Variants in NPR3 observed in about 807,000 individuals in gnomAD.
The protein encoded by NPR3 is natriuretic peptide receptor 3.
Under a neutral mutation model 54.5 loss-of-function variants are expected in NPR3, and 34 were observed. That is an observed-to-expected ratio of 0.62 (90% confidence interval 0.47 to 0.83). NPR3 has a LOEUF of 0.83. Ranked by LOEUF, NPR3 falls within the 40% of genes least tolerant of loss-of-function variation. NPR3 has a pLI of 0.00. For synonymous variants in NPR3, 289 were observed against 297.1 expected, an observed-to-expected ratio of 0.97 and a Z score of 0.28; for missense variants, 674 against 720.8, an observed-to-expected ratio of 0.94 and a Z score of 0.74.
chr5:32,711,062 AT>A (rs1738194618), upstream of NPR3, among the ~76,000 whole-genome samples: 1 of 151,996 alleles, frequency 6.6e-6, no homozygotes, highest in African/African-American at 2.4e-5. Context: ...GACGTGGGCG[AT>A]TTCAGCTTTA....
At chr5:32,783,050 G>C in intron 6 of NPR3, 22 bp downstream of exon 6, 1 of 1,585,660 alleles carries the variant, frequency 6.3e-7, no homozygotes, top group Non-Finnish European at 8.6e-7. Context: ...GACTTAATTT[G>C]CTATGTATGT....
At chr5:32,703,146 A>T (rs1737874699) in intron 1 of NPR3, among the ~76,000 whole-genome samples, 1 of 151,946 alleles carries the variant, frequency 6.6e-6, no homozygotes, top group Non-Finnish European at 1.5e-5. Flanking sequence ...GCTACTGCTG[A>T]TGTTCACTCA....
chr5:32,755,604 T>A (rs1423311635), intron 3 of NPR3, among the ~76,000 whole-genome samples: 1 of 152,186 alleles, frequency 6.6e-6, no homozygotes, highest in East Asian at 1.9e-4. Flanking sequence ...ATACAGGGAA[T>A]CCAAGCTTAG....
chr5:32,712,856 C>A (rs959489347), intron 1 of NPR3, among the ~76,000 whole-genome samples: 4 of 152,188 alleles, frequency 2.6e-5, no homozygotes, highest in Admixed American at 1.3e-4. Context: ...ACTTTGCCAG[C>A]GCCGGGCTGG....
intron 3 of NPR3, among the ~76,000 whole-genome samples, chr5:32,739,231 A>G (rs1232647844): frequency 1.3e-5 from 2 of 149,620 alleles, no homozygotes; most frequent in Non-Finnish European, 3.0e-5. Flanking sequence ...CCTCCTCAGT[A>G]TACCCACTAT....
At chr5:32,710,907 T>TGC (rs1287312108), upstream of NPR3, 3 of 930,576 alleles carry the variant, frequency 3.2e-6, no homozygotes, top group Non-Finnish European at 4.4e-6. Context: ...TGTGTGTGTG[T>TGC]GTGTGTGTGT....
intron 3 of NPR3, among the ~76,000 whole-genome samples, chr5:32,746,008 A>G (rs1466095817): frequency 6.6e-6 from 1 of 152,186 alleles, no homozygotes; most frequent in Admixed American, 6.5e-5. Flanking sequence ...TGAGAGCTGC[A>G]TTCTTATGCC....
intron 3 of NPR3, among the ~76,000 whole-genome samples, chr5:32,773,995 G>A (rs551096788): frequency 6.6e-6 from 1 of 152,166 alleles, no homozygotes; most frequent in Non-Finnish European, 1.5e-5. Flanking sequence ...GAGGGCAAGG[G>A]CTAGCTTACT....
At chr5:32,709,846 A>G (rs545806948), upstream of NPR3, 1 of 152,144 alleles carries the variant, frequency 6.6e-6, no homozygotes, top group Non-Finnish European at 1.5e-5. Context: ...GCCTCGGAGT[A>G]AAAAACGCAG....
At chr5:32,710,572 C>T (rs1738155234), upstream of NPR3, 1 of 1,367,182 alleles carries the variant, frequency 7.3e-7, no homozygotes. Context: ...CCAGCGCAAA[C>T]CTGCGTGGCC....
In NPR3 at chr5:32,774,783, G is replaced by A; in HGVS notation, c.1135G>A (p.Gly379Ser). ...GGCTCTACATGAAGTACTCAGAGCT[G>A]GTTACAGCAAAAAGGATGGAGGGAA... ...VLALHEVLRAGYSKKDGGKII... is the reference protein window; with the variant it reads ...VLALHEVLRASYSKKDGGKII... The change falls in exon 4 of 8, where the codon GGT becomes AGT. Residue 379 changes from glycine (G) to serine (S), a missense_variant. By Grantham distance (56) the Gly-to-Ser change is moderately conservative. Transcript: ENST00000265074. 1 of 1,604,694 alleles carries A rather than the reference G, an allele frequency of 6.2e-7. No individual in the cohort carries two copies. The highest frequency in any genetic ancestry group is 8.5e-7 in the Non-Finnish European group (1 of 1,171,520).
intron 2 of NPR3, among the ~76,000 whole-genome samples, chr5:32,728,324 A>G (rs1201262843): frequency 8.5e-5 from 13 of 152,052 alleles, no homozygotes; most frequent in Non-Finnish European, 1.5e-5. Context: ...TTAGCTGGGC[A>G]TGGTGGTGTG....
chr5:32,750,761 T>G (rs901283115), intron 3 of NPR3, among the ~76,000 whole-genome samples: 1 of 152,236 alleles, frequency 6.6e-6, no homozygotes, highest in Non-Finnish European at 1.5e-5. Context: ...GGTTATAGTT[T>G]CCTTCTAAGG....
At chr5:32,769,709 AACTCGG>A (rs1209670379) in intron 3 of NPR3, among the ~76,000 whole-genome samples, 1 of 152,198 alleles carries the variant, frequency 6.6e-6, no homozygotes, top group Admixed American at 6.5e-5. Context: ...CTAAGCATTG[AACTCGG>A]TCACTTTCTT....
In NPR3 at chr5:32,790,254, G is replaced by A. The variant is rs188022588; in HGVS notation, c.*3909G>A. On this transcript the variant is annotated 3_prime_UTR_variant, in exon 8 of 8. Coordinates refer to ENST00000265074, the MANE Select transcript of NPR3 (RefSeq NM_001204375.2). ...TCAATAATTTAGTGCCCCTTCAACA[G>A]CCATACTCAGCAAGAAGAATCAGAA... is the stretch of plus-strand genomic sequence containing the variant. The A allele has an allele frequency of 6.4e-6, 1 of 155,866 alleles. No homozygotes were observed. Among genetic ancestry groups the A allele is most frequent in the Admixed American group, 6.4e-5 (1 of 15,618 alleles). The allele number at this position is 155,866 out of a possible 1,614,324, so 9.7% of individuals were successfully genotyped here.
At chr5:32,704,599 C>T (rs1329734378), upstream of NPR3, among the ~76,000 whole-genome samples, 1 of 152,054 alleles carries the variant, frequency 6.6e-6, no homozygotes, top group Admixed American at 6.6e-5. Flanking sequence ...CACAGTATAC[C>T]ACCCTGGAGA....
In NPR3 at chr5:32,712,353, C is replaced by G. The variant is rs1738296889; in HGVS notation, c.577C>G (p.Arg193Gly). The G allele has an allele frequency of 1.9e-6, 3 of 1,612,706 alleles. No homozygotes were observed. The highest frequency in any genetic ancestry group is 2.5e-6 in the Non-Finnish European group (3 of 1,179,240). Residue 193 changes from arginine to glycine, a missense_variant, in exon 1 of 8, where the codon CGC becomes GGC. By Grantham distance (125) the Arg-to-Gly change is moderately radical (BLOSUM62 -2). Coordinates refer to ENST00000265074, the MANE Select transcript of NPR3 (RefSeq NM_001204375.2). ...KMGEMMLALF[R>G]HHHWSRAALV... ...GGGCGAGATGATGCTCGCCCTGTTC[C>G]GCCACCACCACTGGAGCCGCGCTGC...
At chr5:32,742,335 T>G (rs1432912462) in intron 3 of NPR3, among the ~76,000 whole-genome samples, 1 of 152,048 alleles carries the variant, frequency 6.6e-6, no homozygotes, top group East Asian at 1.9e-4. Context: ...AAAGTGTACT[T>G]AAGAAGCTGG....
At chr5:32,703,798 G>A (rs1737896902) in intron 1 of NPR3, among the ~76,000 whole-genome samples, 2 of 152,196 alleles carry the variant, frequency 1.3e-5, no homozygotes, top group African/African-American at 4.8e-5. Context: ...TTGTGGAGCT[G>A]CAAGCTGCAC....
Sources: allele counts gnomAD v4.1 joint callset (sites outside exome capture counted in the v4.1 genomes callset), GRCh38; gene constraint gnomAD v4.1.1; transcripts MANE v1.5; gene names NCBI Gene and HGNC (gene_info 2026-07-23, HGNC 2026-07-21).